Variants in TRHDE observed in about 807,000 individuals in gnomAD.
TRHDE encodes thyrotropin-releasing hormone-degrading ectoenzyme.
TRHDE carries 72 observed loss-of-function variants against 125.7 expected under a neutral mutation model. That is an observed-to-expected ratio of 0.57 (90% CI 0.47 to 0.70). The LOEUF (loss-of-function observed/expected upper bound fraction) is 0.70, where lower values mean the gene tolerates loss of function less well. Among genes scored for constraint, TRHDE ranks in the 30% least tolerant of loss-of-function variants. TRHDE has a pLI of 0.00. For synonymous variants in TRHDE, 509 were observed against 509.1 expected, an observed-to-expected ratio of 1.00 and a Z score of 0.00; for missense variants, 1,110 against 1,327.1, an observed-to-expected ratio of 0.84 and a Z score of 2.54.
chr12:72,431,216 G>T (rs1184565893), intron 3 of TRHDE, among the ~76,000 whole-genome samples: 1 of 151,976 alleles, frequency 6.6e-6, no homozygotes, highest in Non-Finnish European at 1.5e-5. Context: ...TAGCACTCAA[G>T]AAAGACAACA....
chr12:72,333,061 G>A (rs1869674305), intron 2 of TRHDE, among the ~76,000 whole-genome samples: 1 of 152,214 alleles, frequency 6.6e-6, no homozygotes, highest in Non-Finnish European at 1.5e-5. Flanking sequence ...AGGAATTTAT[G>A]AGGATGCGAA....
intron 3 of TRHDE, among the ~76,000 whole-genome samples, chr12:72,434,547 A>G (rs1222969139): frequency 6.6e-6 from 1 of 152,096 alleles, no homozygotes; most frequent in Non-Finnish European, 1.5e-5. Context: ...ATATATTCTG[A>G]ATTCCTAGAT....
In TRHDE at chr12:72,621,682, T is replaced by G; in HGVS notation, c.2606T>G (p.Phe869Cys). 1 of 1,608,320 alleles carries G rather than the reference T, an allele frequency of 6.2e-7. No individual in the cohort carries two copies. The highest frequency in any genetic ancestry group is 8.5e-7 in the Non-Finnish European group (1 of 1,178,244). ...GAAGTTATAATGCTGGCCTGCAGTT[T>G]TGGCAACAAGCACTGTCACCAACAG... ...RREVIMLACS[F>C]GNKHCHQQAS... Residue 869 changes from phenylalanine (F) to cysteine (C), a missense_variant, in exon 15 of 19, where the codon TTT becomes TGT. Transcript: ENST00000261180.
chr12:72,136,801 G>A (rs1875996617), intron 2 of TRHDE, among the ~76,000 whole-genome samples: 1 of 152,156 alleles, frequency 6.6e-6, no homozygotes, highest in African/African-American at 2.4e-5. Context: ...TATGGCATAT[G>A]TTTTTTATGG....
intron 2 of TRHDE, among the ~76,000 whole-genome samples, chr12:72,172,348 A>G (rs1237777036): frequency 6.6e-6 from 1 of 152,208 alleles, no homozygotes; most frequent in Non-Finnish European, 1.5e-5. Flanking sequence ...AGCCTTTCAC[A>G]AGTATTATCT....
chr12:72,377,589 C>T (rs889697127), intron 2 of TRHDE, among the ~76,000 whole-genome samples: 3 of 152,124 alleles, frequency 2.0e-5, no homozygotes, highest in African/African-American at 7.2e-5. Flanking sequence ...TTGATACAAC[C>T]TGTCTTTAAC....
chr12:72,619,097 C>T, intron 13 of TRHDE, 59 bp downstream of exon 13: 1 of 1,311,248 alleles, frequency 7.6e-7, no homozygotes, highest in Non-Finnish European at 1.0e-6. Context: ...TATTCTCTTT[C>T]TACTATTATA....
At chr12:72,652,130 CATT>C (rs1874531138) in intron 15 of TRHDE, among the ~76,000 whole-genome samples, 189 bp from the exon 16 acceptor site, 1 of 151,908 alleles carries the variant, frequency 6.6e-6, no homozygotes, top group Admixed American at 6.6e-5. Flanking sequence ...GAATAAAAGA[CATT>C]ATTTTATTCA....
At chr12:72,201,859 A>G (rs917341791) in intron 2 of TRHDE, among the ~76,000 whole-genome samples, 2 of 152,212 alleles carry the variant, frequency 1.3e-5, no homozygotes, top group African/African-American at 4.8e-5. Context: ...TGCTTATGTC[A>G]TAGCCACATC....
intron 2 of TRHDE, among the ~76,000 whole-genome samples, chr12:72,326,918 G>A (rs566999505): frequency 6.6e-6 from 1 of 152,158 alleles, no homozygotes; most frequent in East Asian, 1.9e-4. Flanking sequence ...CTCTTATTCG[G>A]GAACTGCTGA....
At chr12:72,447,864 C>G (rs1215688948) in intron 3 of TRHDE, among the ~76,000 whole-genome samples, 1 of 152,012 alleles carries the variant, frequency 6.6e-6, no homozygotes, top group Non-Finnish European at 1.5e-5. Flanking sequence ...GAACCATGCT[C>G]AGTAAAGAGA....
At chr12:72,505,507 G>T (rs1229799022) in intron 6 of TRHDE, among the ~76,000 whole-genome samples, 1 of 152,108 alleles carries the variant, frequency 6.6e-6, no homozygotes, top group African/African-American at 2.4e-5. Context: ...GGTGGAGAGG[G>T]TTGCTACAAG....
chr12:72,375,247 GAATGT>G (rs1417796271), intron 2 of TRHDE, among the ~76,000 whole-genome samples: 1 of 152,140 alleles, frequency 6.6e-6, no homozygotes, highest in East Asian at 1.9e-4. Context: ...CAGTAAGTAT[GAATGT>G]CTTGTTCATT....
chr12:72,491,510 A>G (rs1252180719), intron 5 of TRHDE, among the ~76,000 whole-genome samples: 1 of 151,910 alleles, frequency 6.6e-6, no homozygotes, highest in Non-Finnish European at 1.5e-5. Flanking sequence ...TTTGTGTTCT[A>G]TCTTAGCATT....
intron 6 of TRHDE, among the ~76,000 whole-genome samples, chr12:72,527,390 T>C (rs1352407859): frequency 6.6e-6 from 1 of 152,140 alleles, no homozygotes; most frequent in Non-Finnish European, 1.5e-5. Flanking sequence ...TACAGTTATG[T>C]CGCATAAAGA....
At chr12:72,427,520 A>G (rs1045239145) in intron 3 of TRHDE, among the ~76,000 whole-genome samples, 4 of 152,042 alleles carry the variant, frequency 2.6e-5, no homozygotes, top group Non-Finnish European at 4.4e-5. Flanking sequence ...GTCTCCCTCT[A>G]TTTGTATCCC....
chr12:72,453,701 C>G (rs1875693991), intron 3 of TRHDE, among the ~76,000 whole-genome samples: 1 of 152,200 alleles, frequency 6.6e-6, no homozygotes, highest in South Asian at 2.1e-4. Context: ...CCTAGGAGGA[C>G]AGAATGGCTT....
At chr12:72,575,414 G>C in intron 11 of TRHDE, 26 bp downstream of exon 11, 1 of 1,613,414 alleles carries the variant, frequency 6.2e-7, no homozygotes, top group African/African-American at 1.3e-5. Flanking sequence ...GCTTATCAAA[G>C]ATAATTTTTG....
chr12:72,384,778 A>C (rs1275181087), intron 3 of TRHDE, among the ~76,000 whole-genome samples: 2 of 152,116 alleles, frequency 1.3e-5, no homozygotes, highest in East Asian at 3.8e-4. Context: ...AAGATACAAT[A>C]AACATATATA....
Sources: allele counts gnomAD v4.1 joint callset (sites outside exome capture counted in the v4.1 genomes callset), GRCh38; gene constraint gnomAD v4.1.1; transcripts MANE v1.5; gene names NCBI Gene and HGNC (gene_info 2026-07-23, HGNC 2026-07-21).